TLN2: variants seen among roughly 807,000 people sequenced by gnomAD.
The protein encoded by TLN2 is talin-2.
Under a neutral mutation model 294.7 loss-of-function variants are expected in TLN2, and 118 were observed. The ratio of observed to expected loss-of-function variants is 0.40; its 90% CI spans 0.34 to 0.47. TLN2 has a LOEUF of 0.47. Among genes scored for constraint, TLN2 ranks in the 20% least tolerant of loss-of-function variants. The probability of loss-of-function intolerance (pLI) is 0.84; values close to 1 mark genes in which losing one functional copy is unlikely to be tolerated. For missense variants in TLN2, 3,083 were observed against 3,282.2 expected, an observed-to-expected ratio of 0.94 and a Z score of 1.48; for synonymous variants, 1,431 against 1,304.5, an observed-to-expected ratio of 1.10 and a Z score of -2.09.
chr15:62,651,813 G>A (rs1301303992), intron 5 of TLN2, among the ~76,000 whole-genome samples, 192 bp from the exon 6 acceptor site: 3 of 152,138 alleles, frequency 2.0e-5, no homozygotes, highest in Non-Finnish European at 2.9e-5. Flanking sequence ...GTCCAGGTCT[G>A]TACTATCTCT....
At chr15:62,429,369 G>T (rs953579401) in intron 1 of TLN2, among the ~76,000 whole-genome samples, 1 of 152,098 alleles carries the variant, frequency 6.6e-6, no homozygotes, top group African/African-American at 2.4e-5. Flanking sequence ...TTCGAAAATC[G>T]AAAGACTTAT....
At chr15:62,648,426 AAAAG>A (rs1225943134) in intron 4 of TLN2, among the ~76,000 whole-genome samples, 1 of 151,180 alleles carries the variant, frequency 6.6e-6, no homozygotes, top group African/African-American at 2.4e-5. Context: ...AAAAAAAAAA[AAAAG>A]GAAGAATAAA....
chr15:62,391,683 C>A (rs904782797), intron 1 of TLN2, among the ~76,000 whole-genome samples: 1 of 152,240 alleles, frequency 6.6e-6, no homozygotes, highest in Non-Finnish European at 1.5e-5. Context: ...AAGGCGCGCA[C>A]GACTGCTGTC....
chr15:62,466,530 T>G (rs2037145951), intron 1 of TLN2, among the ~76,000 whole-genome samples: 1 of 152,230 alleles, frequency 6.6e-6, no homozygotes, highest in African/African-American at 2.4e-5. Context: ...ATGTTCCCTG[T>G]GGGGTGAAAT....
At chr15:62,697,941 G>T in intron 15 of TLN2, 73 bp downstream of exon 15, 9 of 1,534,764 alleles carry the variant, frequency 5.9e-6, no homozygotes, top group Non-Finnish European at 7.9e-6. Flanking sequence ...ACCAGCGGCG[G>T]TGATGGGCTG....
chr15:62,570,232 C>A lies in TLN2; in HGVS notation c.-237-19455C>A, dbSNP rs80096027. On this transcript the variant is annotated intron_variant, in intron 1 of 58. Transcript: ENST00000636159. ...TCTGGACCACATTCCCCCGCCTCACCCACGGGGAGGGTGCCAGGCGGATCC... is the reference window on the plus strand; with the variant it reads ...TCTGGACCACATTCCCCCGCCTCACACACGGGGAGGGTGCCAGGCGGATCC... Among the ~76,000 whole-genome samples the A allele has an allele frequency of 6.3e-3, 954 of 152,290 alleles. 10 individuals carry two copies. Among genetic ancestry groups the A allele is most frequent in the African/African-American group, 0.022 (912 of 41,560 alleles).
Position 62,820,544 on chromosome 15 carries a change from G to T in TLN2, c.6936G>T (p.Gly2312=), listed in dbSNP as rs2141205397. 1 of 1,613,994 alleles carries T rather than the reference G, an allele frequency of 6.2e-7. No individual in the cohort carries two copies. The highest frequency in any genetic ancestry group is 8.5e-7 in the Non-Finnish European group (1 of 1,179,974). The part of the protein sequence containing the change: ...PTVIAETELL[G]AAASIEAAAK... ...TCATTGCAGAAACAGAGTTACTGGG[G>T]GCTGCAGCATCCATCGAAGCTGCTG... Residue 2312 remains glycine, a synonymous_variant, in exon 54 of 59, where the codon GGG becomes GGT. Transcript: ENST00000636159.
At chr15:62,812,857 G>A (rs953036037) in intron 52 of TLN2, among the ~76,000 whole-genome samples, 3 of 152,238 alleles carry the variant, frequency 2.0e-5, no homozygotes, top group Admixed American at 1.3e-4. Context: ...AGGTCCAGGA[G>A]CTCTAGGAAC....
chr15:62,465,495 G>C (rs1786203807), intron 1 of TLN2, among the ~76,000 whole-genome samples: 1 of 152,200 alleles, frequency 6.6e-6, no homozygotes, highest in Non-Finnish European at 1.5e-5. Flanking sequence ...ATGTAAAACA[G>C]TCCCTGTGTT....
chr15:62,836,266 G>T (rs747598127), intron 57 of TLN2, 193 bp downstream of exon 57: 2 of 845,012 alleles, frequency 2.4e-6, no homozygotes, highest in African/African-American at 1.7e-5. Flanking sequence ...CATTCTCCTC[G>T]TGTGCCTTCT....
intron 44 of TLN2, 152 bp from the exon 45 acceptor site, chr15:62,783,619 C>T (rs2064375882): frequency 7.0e-7 from 1 of 1,424,018 alleles, no homozygotes; most frequent in Admixed American, 2.8e-5. Context: ...CAGCATCTAG[C>T]CCCAAATGCA....
chr15:62,617,179 C>G (rs1417016633), intron 2 of TLN2, among the ~76,000 whole-genome samples: 1 of 151,926 alleles, frequency 6.6e-6, no homozygotes, highest in Admixed American at 6.6e-5. Context: ...TTCTTTTTTG[C>G]CTGTCATCTT....
chr15:62,598,781 A>T (rs376528396), intron 2 of TLN2, among the ~76,000 whole-genome samples: 7 of 152,028 alleles, frequency 4.6e-5, no homozygotes, highest in African/African-American at 1.7e-4. Flanking sequence ...CTCAAAGTAA[A>T]TTCAGAATGG....
intron 1 of TLN2, among the ~76,000 whole-genome samples, chr15:62,561,125 C>A (rs2042922463): frequency 6.6e-6 from 1 of 152,212 alleles, no homozygotes; most frequent in Non-Finnish European, 1.5e-5. Flanking sequence ...TGCCTTGCGA[C>A]TTCATTAGAC....
chr15:62,543,194 G>T (rs1174169816), intron 1 of TLN2, among the ~76,000 whole-genome samples: 1 of 152,142 alleles, frequency 6.6e-6, no homozygotes, highest in Non-Finnish European at 1.5e-5. Flanking sequence ...CTTCTCTGTT[G>T]GTGCCATTCC....
At chr15:62,511,968 C>T (rs1394247971) in intron 1 of TLN2, among the ~76,000 whole-genome samples, 1 of 152,112 alleles carries the variant, frequency 6.6e-6, no homozygotes, top group Non-Finnish European at 1.5e-5. Flanking sequence ...GCTCCCTTGC[C>T]GTGCCCTGGT....
chr15:62,486,349 A>G (rs868803596), intron 1 of TLN2, among the ~76,000 whole-genome samples: 6 of 151,508 alleles, frequency 4.0e-5, no homozygotes, highest in Admixed American at 2.0e-4. Context: ...AATGTCCTTT[A>G]TAGTAATTCT....
intron 1 of TLN2, among the ~76,000 whole-genome samples, chr15:62,425,964 T>C (rs1032780544): frequency 6.6e-6 from 1 of 152,210 alleles, no homozygotes; most frequent in Non-Finnish European, 1.5e-5. Flanking sequence ...TTGTTTGTGG[T>C]CTTCAATTTC....
chr15:62,573,992 C>G (rs1392444855), intron 1 of TLN2, among the ~76,000 whole-genome samples: 1 of 152,108 alleles, frequency 6.6e-6, no homozygotes. Context: ...GGAAAAGATG[C>G]AGCCCTTCCT....
Sources: allele counts gnomAD v4.1 joint callset (sites outside exome capture counted in the v4.1 genomes callset), GRCh38; gene constraint gnomAD v4.1.1; transcripts MANE v1.5; gene names NCBI Gene and HGNC (gene_info 2026-07-23, HGNC 2026-07-21).